Variants in PABPC4L observed in about 807,000 individuals in gnomAD.
PABPC4L encodes polyadenylate-binding protein 4-like.
For synonymous variants in PABPC4L, 169 were observed against 164.1 expected (o/e 1.03, Z -0.23); for missense variants, 452 against 451.4 (o/e 1.00, Z -0.01).
At chr4:134,159,536 C>A in the PABPC4L span, among the ~76,000 whole-genome samples, 1 of 152,044 alleles carries the variant, frequency 6.6e-6, no homozygotes, top group Non-Finnish European at 1.5e-5. Flanking sequence ...CTCAGTGCTA[C>A]CCTATCATAG....
the PABPC4L span, among the ~76,000 whole-genome samples, chr4:134,157,788 T>A: frequency 6.6e-6 from 1 of 151,982 alleles, no homozygotes; most frequent in African/African-American, 2.4e-5. Context: ...GTCACTTATA[T>A]AAAGTGAAAT....
At position 134,201,276 on chromosome 4, in the gene PABPC4L, C is replaced by G. The variant is rs926005995; in HGVS notation, c.-226-31G>C. On this transcript the variant is annotated intron_variant, in intron 1 of 1. Coordinates refer to ENST00000421491, the MANE Select transcript of PABPC4L (RefSeq NM_001114734.2). ...AAATCGCAAAGAGAGATTATTAGGA[C>G]AAGACGTTCCTTCCCCTCAGATTTG... 97 of 1,463,424 alleles carry G rather than the reference C, an allele frequency of 6.6e-5. 1 individual carries two copies. The highest frequency in any genetic ancestry group is 8.0e-5 in the Non-Finnish European group (88 of 1,096,900). 90.7% of individuals were successfully genotyped at this position (1,463,424 alleles called of 1,614,324 possible). A position where few individuals can be genotyped will look rare whatever the true frequency, so the allele number is the denominator to read the frequency against.
At chr4:134,101,926 A>T in the PABPC4L span, among the ~76,000 whole-genome samples, 3 of 151,558 alleles carry the variant, frequency 2.0e-5, no homozygotes, top group African/African-American at 7.3e-5. Flanking sequence ...GCTTTAACTT[A>T]GAATATGTCA....
chr4:134,090,235 T>A, the PABPC4L span, among the ~76,000 whole-genome samples: 1 of 152,160 alleles, frequency 6.6e-6, no homozygotes, highest in Non-Finnish European at 1.5e-5. Context: ...TTTAATGTTT[T>A]TTCTGTTACA....
the PABPC4L span, among the ~76,000 whole-genome samples, chr4:134,015,519 C>A: frequency 6.6e-6 from 1 of 152,164 alleles, no homozygotes; most frequent in Non-Finnish European, 1.5e-5. Flanking sequence ...ATTACCTGGG[C>A]TGTACTGCTG....
the PABPC4L span, among the ~76,000 whole-genome samples, chr4:134,154,713 T>G: frequency 6.6e-6 from 1 of 152,162 alleles, no homozygotes; most frequent in Non-Finnish European, 1.5e-5. Context: ...GAAACCTTGC[T>G]CATTCTGAAT....
the PABPC4L span, among the ~76,000 whole-genome samples, chr4:134,032,199 C>T: frequency 6.6e-6 from 1 of 151,794 alleles, no homozygotes; most frequent in Non-Finnish European, 1.5e-5. Flanking sequence ...ACAATTCCTA[C>T]AGGAGGGTCA....
chr4:134,041,784 G>A, the PABPC4L span, among the ~76,000 whole-genome samples: 1 of 152,038 alleles, frequency 6.6e-6, no homozygotes, highest in South Asian at 2.1e-4. Context: ...ATACATATTG[G>A]TGTCAATGTG....
the PABPC4L span, among the ~76,000 whole-genome samples, chr4:134,123,686 TC>T: frequency 6.6e-6 from 1 of 152,046 alleles, no homozygotes; most frequent in African/African-American, 2.4e-5. Flanking sequence ...AATCTTAATA[TC>T]TTGGGACTTG....
At chr4:134,164,262 C>CAAAAAAAAAAA in the PABPC4L span, among the ~76,000 whole-genome samples, 2 of 34,150 alleles carry the variant, frequency 5.9e-5, no homozygotes, top group Admixed American at 4.9e-4. Context: ...GACTCCGTCT[C>CAAAAAAAAAAA]AAAAAAAAAA....
chr4:134,097,309 C>G, the PABPC4L span, among the ~76,000 whole-genome samples: 2 of 151,844 alleles, frequency 1.3e-5, no homozygotes, highest in Non-Finnish European at 2.9e-5. Flanking sequence ...CATGTTACAT[C>G]CACTAAACAG....
the PABPC4L span, among the ~76,000 whole-genome samples, chr4:134,114,218 T>C: frequency 6.6e-6 from 1 of 151,696 alleles, no homozygotes; most frequent in South Asian, 2.1e-4. Flanking sequence ...TCAGAGACTC[T>C]CTTCACATCT....
chr4:134,193,081 C>T (rs1053352564), downstream of PABPC4L, among the ~76,000 whole-genome samples: 2 of 151,964 alleles, frequency 1.3e-5, no homozygotes, highest in Non-Finnish European at 2.9e-5. Context: ...TGTTGATTTG[C>T]CCAACTTTGT....
the PABPC4L span, among the ~76,000 whole-genome samples, chr4:134,013,997 G>A: frequency 6.6e-6 from 1 of 152,058 alleles, no homozygotes; most frequent in African/African-American, 2.4e-5. Flanking sequence ...GGAGCTAAAG[G>A]CATAGTCAAG....
chr4:133,958,800 C>T, the PABPC4L span, among the ~76,000 whole-genome samples: 7 of 152,054 alleles, frequency 4.6e-5, no homozygotes, highest in African/African-American at 7.2e-5. Context: ...AGTAACTGCC[C>T]CTAAGATTCA....
chr4:134,129,502 GA>G, the PABPC4L span, among the ~76,000 whole-genome samples: 1 of 151,820 alleles, frequency 6.6e-6, no homozygotes, highest in African/African-American at 2.4e-5. Flanking sequence ...AATAAAATTG[GA>G]CATGAACTAC....
At chr4:134,145,729 T>C in the PABPC4L span, among the ~76,000 whole-genome samples, 1 of 151,930 alleles carries the variant, frequency 6.6e-6, no homozygotes, top group African/African-American at 2.4e-5. Flanking sequence ...GAAAAGAAGA[T>C]TCCTAGTACT....
the PABPC4L span, among the ~76,000 whole-genome samples, chr4:134,048,481 A>T: frequency 6.6e-6 from 1 of 152,156 alleles, no homozygotes; most frequent in South Asian, 2.1e-4. Flanking sequence ...TAAAGCAATT[A>T]CTGAGCTTAT....
the PABPC4L span, among the ~76,000 whole-genome samples, chr4:134,171,845 A>T: frequency 6.6e-6 from 1 of 152,142 alleles, no homozygotes; most frequent in African/African-American, 2.4e-5. Context: ...ATGTACAAAA[A>T]TCAGTAGCAT....
Sources: gnomAD v4.1 joint callset for allele counts (sites outside exome capture counted in the v4.1 genomes callset) on GRCh38, gnomAD v4.1.1 for gene constraint, MANE v1.5 for transcripts, NCBI Gene and HGNC (gene_info 2026-07-23, HGNC 2026-07-21) for gene names.